The following CHIC1 variants were observed in gnomAD, a reference collection of about 807,000 sequenced individuals.
CHIC1 encodes cysteine-rich hydrophobic domain-containing protein 1.
In CHIC1, 7 loss-of-function variants were observed where a neutral mutation model predicts 18.5. The ratio of observed to expected loss-of-function variants is 0.38; its 90% CI spans 0.22 to 0.71. CHIC1 has a LOEUF of 0.71. CHIC1 is among the 30% of genes least tolerant of loss of function. The pLI is 0.49. For synonymous variants in CHIC1, 77 were observed against 73.5 expected, an observed-to-expected ratio of 1.05 and a Z score of -0.25; for missense variants, 159 against 176.9, an observed-to-expected ratio of 0.90 and a Z score of 0.57.
intron 3 of CHIC1, among the ~76,000 whole-genome samples, chrX:73,674,227 T>C (rs988163234): frequency 8.9e-6 from 1 of 111,741 alleles, no homozygotes; most frequent in Non-Finnish European, 1.9e-5. Context: ...GGCTTTGGTA[T>C]CAGGATGATG....
At chrX:73,678,305 G>T (rs1031679204) in intron 3 of CHIC1, among the ~76,000 whole-genome samples, 1 of 112,473 alleles carries the variant, frequency 8.9e-6, no homozygotes, top group African/African-American at 3.2e-5. Flanking sequence ...CAATCCCCTA[G>T]ATAGTGCATG....
chrX:73,628,336 G>T (rs1347824514), intron 3 of CHIC1, among the ~76,000 whole-genome samples: 1 of 111,718 alleles, frequency 9.0e-6, no homozygotes. Flanking sequence ...ACTGTTTCTG[G>T]GACTATTTCA....
intron 1 of CHIC1, among the ~76,000 whole-genome samples, chrX:73,571,720 A>G (rs1009390824): frequency 1.8e-5 from 2 of 111,536 alleles, no homozygotes; most frequent in African/African-American, 6.5e-5. Context: ...TTTAAAATGT[A>G]GTTAAAATCT....
intron 3 of CHIC1, among the ~76,000 whole-genome samples, chrX:73,604,236 C>A: frequency 9.7e-6 from 1 of 103,194 alleles, no homozygotes; most frequent in Non-Finnish European, 1.9e-5. Flanking sequence ...GTCTTGGGGG[C>A]AGGGGGTGTA....
In CHIC1 at chrX:73,584,412, T is replaced by G; in HGVS notation, c.352-5T>G. On this transcript the variant is annotated splice_region_variant and splice_polypyrimidine_tract_variant and intron_variant, in intron 2 of 5. Coordinates refer to ENST00000373502, the MANE Select transcript of CHIC1 (RefSeq NM_001039840.4). ...CAAACTGTTAAAGATTGTACCCTCT[T>G]GTAGGTGGCCCCAGAAGAATTTAAA... The G allele has an allele frequency of 8.4e-7, 1 of 1,185,911 alleles. No individual in the cohort carries two copies.
chrX:73,679,279 A>G (rs778591965), intron 3 of CHIC1, 47 bp from the exon 4 acceptor site: 2 of 844,453 alleles, frequency 2.4e-6, no homozygotes, highest in Non-Finnish European at 3.5e-6. Context: ...ATAGTTTACA[A>G]AGCTCTTCAG....
chrX:73,602,402 A>G (rs746502468), intron 3 of CHIC1, among the ~76,000 whole-genome samples: 1 of 108,499 alleles, frequency 9.2e-6, no homozygotes, highest in Non-Finnish European at 1.9e-5. Flanking sequence ...TTTCTTGTAG[A>G]TTCTGGAGAT....
At chrX:73,608,381 A>G (rs1181526596) in intron 3 of CHIC1, among the ~76,000 whole-genome samples, 2 of 100,878 alleles carry the variant, frequency 2.0e-5, no homozygotes, top group East Asian at 5.6e-4. Flanking sequence ...CTTGGCTAAT[A>G]GGGGTATCTT....
intron 1 of CHIC1, among the ~76,000 whole-genome samples, chrX:73,576,879 T>C (rs1213929469): frequency 9.0e-6 from 1 of 110,645 alleles, no homozygotes; most frequent in African/African-American, 3.3e-5. Flanking sequence ...GTGAAAGCCA[T>C]TCATAAGGAT....
chrX:73,648,425 A>G (rs1209008948), intron 3 of CHIC1, among the ~76,000 whole-genome samples: 1 of 112,044 alleles, frequency 8.9e-6, no homozygotes, highest in Non-Finnish European at 1.9e-5. Context: ...TCTCTGAGTG[A>G]AAGAAGCATA....
At chrX:73,628,909 CT>C (rs1455360667) in intron 3 of CHIC1, among the ~76,000 whole-genome samples, 1 of 111,195 alleles carries the variant, frequency 9.0e-6, no homozygotes, top group East Asian at 2.8e-4. Context: ...ACTCCATACT[CT>C]TCTACCTATT....
chrX:73,568,490 C>T (rs1288556050), intron 1 of CHIC1, among the ~76,000 whole-genome samples: 3 of 111,189 alleles, frequency 2.7e-5, no homozygotes, highest in Non-Finnish European at 5.7e-5. Flanking sequence ...TGAAATGTCT[C>T]TTGGAAGTAT....
At chrX:73,679,420 A>G (rs772967094) in intron 4 of CHIC1, 38 bp downstream of exon 4, 3 of 913,075 alleles carry the variant, frequency 3.3e-6, no homozygotes, top group Non-Finnish European at 4.7e-6. Context: ...CCATTCATAT[A>G]TTTGCAGCAT....
chrX:73,647,553 C>A (rs954885924), intron 3 of CHIC1, among the ~76,000 whole-genome samples: 1 of 112,333 alleles, frequency 8.9e-6, no homozygotes, highest in African/African-American at 3.2e-5. Context: ...GACTTGGTCC[C>A]AAGGGATGTC....
intron 3 of CHIC1, among the ~76,000 whole-genome samples, chrX:73,637,012 G>T (rs1322468423): frequency 9.0e-6 from 1 of 111,413 alleles, no homozygotes; most frequent in African/African-American, 3.3e-5. Context: ...TTGACCTCTG[G>T]CATTGAGTTA....
At chrX:73,611,734 T>C (rs1383873063) in intron 3 of CHIC1, among the ~76,000 whole-genome samples, 2 of 108,576 alleles carry the variant, frequency 1.8e-5, no homozygotes, top group African/African-American at 7.1e-5. Context: ...AGATGGTATC[T>C]CATTGTGGTT....
Position 73,637,253 on chromosome X carries a change from G to GTA in CHIC1, c.508-42073_508-42072insTA, listed in dbSNP as rs2057835239. Among the ~76,000 whole-genome samples the GTA allele has an allele frequency of 2.7e-5, 3 of 109,527 alleles. No individual in the cohort carries two copies. In the Admixed American group the frequency reaches 2.9e-4, roughly 11 times the overall value. On this transcript the variant is annotated intron_variant, in intron 3 of 5. Transcript: ENST00000373502. ...AGAAATCAGCAAAAATCTTGCTGAG[G>GTA]ATCCCTTGTATATGACAAGTTACTT...
At chrX:73,675,596 C>T (rs1233368976) in intron 3 of CHIC1, among the ~76,000 whole-genome samples, 1 of 111,583 alleles carries the variant, frequency 9.0e-6, no homozygotes, top group East Asian at 2.8e-4. Flanking sequence ...AGATCTTCCT[C>T]CATCCCTTTA....
intron 3 of CHIC1, among the ~76,000 whole-genome samples, chrX:73,654,641 C>T (rs1213347217): frequency 1.8e-5 from 2 of 111,747 alleles, no homozygotes; most frequent in Non-Finnish European, 3.8e-5. Context: ...CAGAATTCAG[C>T]CATAAAGCCA....
Sources: allele counts gnomAD v4.1 joint callset (sites outside exome capture counted in the v4.1 genomes callset), GRCh38; gene constraint gnomAD v4.1.1; transcripts MANE v1.5; gene names NCBI Gene and HGNC (gene_info 2026-07-23, HGNC 2026-07-21).